HSD17B13: variants seen among roughly 807,000 people sequenced by gnomAD.
HSD17B13 encodes the protein hydroxysteroid 17-beta dehydrogenase 13, also known as 17-beta-hydroxysteroid dehydrogenase 13.
Under a neutral mutation model 31.1 loss-of-function variants are expected in HSD17B13, and 26 were observed. The ratio of observed to expected loss-of-function variants is 0.84; its 90% CI spans 0.61 to 1.16. HSD17B13 has a LOEUF of 1.16. Among genes scored for constraint, HSD17B13 ranks in the 50% most tolerant of loss-of-function variants. The probability of loss-of-function intolerance (pLI) is 0.00; values close to 1 mark genes in which losing one functional copy is unlikely to be tolerated. For missense variants in HSD17B13, 374 were observed against 366.5 expected (o/e 1.02, Z -0.17); for synonymous variants, 141 against 133.7 (o/e 1.05, Z -0.38).
intron 2 of HSD17B13, among the ~76,000 whole-genome samples, chr4:87,317,853 T>C (rs2110103331): frequency 6.6e-6 from 1 of 152,150 alleles, no homozygotes; most frequent in South Asian, 2.1e-4. Flanking sequence ...AAATGTAAAG[T>C]TTGTTAGAGT....
intron 1 of HSD17B13, among the ~76,000 whole-genome samples, chr4:87,321,100 G>A (rs1372454456): frequency 2.0e-5 from 3 of 152,092 alleles, no homozygotes; most frequent in African/African-American, 4.8e-5. Context: ...TGCCATCATA[G>A]CTCATTGCAG....
chr4:87,313,050 ACT>A (rs1693600829), intron 5 of HSD17B13, among the ~76,000 whole-genome samples: 1 of 149,990 alleles, frequency 6.7e-6, no homozygotes, highest in Admixed American at 6.6e-5. Flanking sequence ...ACAGAGTGAG[ACT>A]CTGTCTCAAA....
chr4:87,312,611 G>A (rs1401051664), intron 5 of HSD17B13, among the ~76,000 whole-genome samples: 1 of 128,752 alleles, frequency 7.8e-6, no homozygotes, highest in Admixed American at 9.5e-5. Context: ...CTCACTGCAA[G>A]CTCCGCCTCC....
At chr4:87,310,117 A>G in intron 6 of HSD17B13, 126 bp downstream of exon 6, 3 of 1,215,804 alleles carry the variant, frequency 2.5e-6, no homozygotes, top group Non-Finnish European at 3.3e-6. Flanking sequence ...GTGAGCCAAG[A>G]TCATGCCACT....
In HSD17B13 at chr4:87,322,631, C is replaced by T. The variant is rs373288943; in HGVS notation, c.210+1G>A. ...AAAAAGTTGGAAGATGTATACATTA[C>T]CTTATTAATATCCCACAGAACCAAT... On this transcript the variant is annotated splice_donor_variant, in intron 1 of 6. Coordinates refer to ENST00000328546, the MANE Select transcript of HSD17B13 (RefSeq NM_178135.5). LOFTEE classifies it high-confidence loss of function. The T allele has an allele frequency of 1.9e-5, 31 of 1,600,430 alleles. No homozygotes were observed. In the African/African-American group the frequency reaches 3.8e-4, roughly 19 times the overall value.
chr4:87,318,818 T>C (rs1734718608), intron 1 of HSD17B13, among the ~76,000 whole-genome samples: 1 of 141,490 alleles, frequency 7.1e-6, no homozygotes, highest in African/African-American at 2.6e-5. Flanking sequence ...AAAAAAAAAA[T>C]TAACATTCAT....
At chr4:87,312,545 T>C (rs1578439191) in intron 5 of HSD17B13, among the ~76,000 whole-genome samples, 1 of 101,048 alleles carries the variant, frequency 9.9e-6, no homozygotes, top group Non-Finnish European at 2.0e-5. Flanking sequence ...TTTTTTTTTT[T>C]TTGAGACGGA....
At chr4:87,307,404 TA>T (rs1352747857) in intron 6 of HSD17B13, among the ~76,000 whole-genome samples, 1 of 152,214 alleles carries the variant, frequency 6.6e-6, no homozygotes, top group Non-Finnish European at 1.5e-5. Context: ...TTTTCAATAT[TA>T]ATATGACTTG....
chr4:87,313,625 C>T (rs73839184), intron 5 of HSD17B13, among the ~76,000 whole-genome samples, 198 bp downstream of exon 5: 3,149 of 152,234 alleles, frequency 0.021, 112 homozygotes, highest in African/African-American at 0.072. Context: ...CCCAGTTCAT[C>T]GGTGGCTGAT....
chr4:87,322,734 C>A lies in HSD17B13; in HGVS notation c.108G>T (p.Gly36=). Residue 36 remains glycine, a synonymous_variant, in exon 1 of 7, where the codon GGG becomes GGT. Coordinates refer to ENST00000328546, the MANE Select transcript of HSD17B13 (RefSeq NM_178135.5). ...CAGCTCCAGTAATGAGAACAATCTC[C>A]CCAGCCACAGATTTTCTCCTCTGAG... is the stretch of plus-strand genomic sequence containing the variant. The part of the protein sequence containing the change: ...FIPQRRKSVA[G]EIVLITGAGH... 6.2e-7 allele frequency: 1 copy of A among 1,614,058 alleles called. No individual in the cohort carries two copies. The highest frequency in any genetic ancestry group is 8.5e-7 in the Non-Finnish European group (1 of 1,179,988).
chr4:87,322,095 G>A (rs867310058), intron 1 of HSD17B13, among the ~76,000 whole-genome samples: 1 of 152,292 alleles, frequency 6.6e-6, no homozygotes, highest in Middle Eastern at 3.4e-3. Context: ...TTTATCATGT[G>A]CCACGTATCG....
intron 3 of HSD17B13, among the ~76,000 whole-genome samples, chr4:87,316,283 T>C (rs1204075879): frequency 1.3e-5 from 2 of 152,204 alleles, no homozygotes; most frequent in African/African-American, 2.4e-5. Context: ...TGAACATACA[T>C]TGTTGCTTTA....
At position 87,307,352 on chromosome 4, in the gene HSD17B13, T is replaced by C. The variant is rs576623028; in HGVS notation, c.813-2044A>G. Among the ~76,000 whole-genome samples, 5 of 152,320 alleles carry C rather than the reference T, an allele frequency of 3.3e-5. No individual in the cohort carries two copies. In the East Asian group the frequency reaches 7.7e-4, roughly 23 times the overall value. On this transcript the variant is annotated intron_variant, in intron 6 of 6. Coordinates refer to ENST00000328546, the MANE Select transcript of HSD17B13 (RefSeq NM_178135.5). Reference sequence around the variant, plus strand: ...CTATTCTCCAACTCAGGCAGAATAATTGTTTTTATCACCTTGGTCATATGC... The same window carrying C: ...CTATTCTCCAACTCAGGCAGAATAACTGTTTTTATCACCTTGGTCATATGC...
chr4:87,315,367 G>A (rs1734628166), intron 4 of HSD17B13, 126 bp downstream of exon 4: 1 of 460,106 alleles, frequency 2.2e-6, no homozygotes, highest in African/African-American at 2.0e-5. Flanking sequence ...TGGCTTTGTT[G>A]GTGAGTTTTG....
At chr4:87,320,155 T>C (rs1353812171) in intron 1 of HSD17B13, among the ~76,000 whole-genome samples, 1 of 152,088 alleles carries the variant, frequency 6.6e-6, no homozygotes, top group Non-Finnish European at 1.5e-5. Context: ...CAAACATGGA[T>C]GTTAGGACCC....
At chr4:87,316,941 T>G (rs1310670350) in intron 3 of HSD17B13, 151 bp downstream of exon 3, 12 of 719,722 alleles carry the variant, frequency 1.7e-5, no homozygotes, top group Non-Finnish European at 2.1e-5. Context: ...TCAGAGACTC[T>G]GTGGCTCTTC....
chr4:87,322,589 T>A (rs778105823), intron 1 of HSD17B13, 43 bp downstream of exon 1: 6 of 1,357,134 alleles, frequency 4.4e-6, no homozygotes, highest in South Asian at 1.2e-5. Flanking sequence ...AAAATACATA[T>A]CTTACTCTGT....
rs1213449605 is a variant in HSD17B13 at position 87,322,612 on chromosome 4, T to C, written c.210+20A>G. 4 of 1,500,508 alleles carry C rather than the reference T, an allele frequency of 2.7e-6. No homozygotes were observed. The East Asian group carries it at 9.0e-5, about 34-fold the overall frequency. The allele number at this position is 1,500,508 out of a possible 1,614,324, so 92.9% of individuals were successfully genotyped here. ...TATCTTACTCTGTGACTTTAAAAAG[T>C]TGGAAGATGTATACATTACCTTATT... On this transcript the variant is annotated intron_variant, in intron 1 of 6. Transcript: ENST00000328546.
At chr4:87,317,884 T>C (rs1349065494) in intron 2 of HSD17B13, among the ~76,000 whole-genome samples, 5 of 152,126 alleles carry the variant, frequency 3.3e-5, no homozygotes, top group Non-Finnish European at 5.9e-5. Context: ...TTGTGATTAT[T>C]TGGTATTTAC....
Sources: gnomAD v4.1 joint callset for allele counts (sites outside exome capture counted in the v4.1 genomes callset) on GRCh38, gnomAD v4.1.1 for gene constraint, MANE v1.5 for transcripts, NCBI Gene and HGNC (gene_info 2026-07-23, HGNC 2026-07-21) for gene names.